CENPU: variants seen among roughly 807,000 people sequenced by gnomAD.
The protein encoded by CENPU is centromere protein U, also known as KSHV latent nuclear antigen interacting protein 1.
A neutral mutation model predicts 56.7 loss-of-function variants in CENPU; 46 were observed. The observed-to-expected ratio is 0.81, with a 90% CI of 0.64 to 1.04. The LOEUF is 1.04. CENPU is among the 50% of genes least tolerant of loss of function. The pLI is 0.00. For missense variants in CENPU, 510 were observed against 490.1 expected, an observed-to-expected ratio of 1.04 and a Z score of -0.38; for synonymous variants, 166 against 163.0, an observed-to-expected ratio of 1.02 and a Z score of -0.14.
At position 184,730,938 on chromosome 4, in the gene CENPU, T is replaced by TAC. The variant is rs775288103; in HGVS notation, c.77_78insGT (p.Thr27Ter). The TAC allele has an allele frequency of 1.1e-5, 18 of 1,582,268 alleles. No individual in the cohort carries two copies. Among genetic ancestry groups the TAC allele is most frequent in the African/African-American group, 2.8e-5 (2 of 72,670 alleles). On this transcript the variant is annotated frameshift_variant, in exon 2 of 13. Coordinates refer to ENST00000281453, the MANE Select transcript of CENPU (RefSeq NM_024629.4). LOFTEE classifies it high-confidence loss of function. ...AACTTACATCTTTCATGGAATGTGT[T>TAC]CTTTCTAAAGTGTTCTTTGAACGTC...
intron 8 of CENPU, 30 bp downstream of exon 8, chr4:184,710,042 G>A: frequency 7.5e-7 from 1 of 1,333,076 alleles, no homozygotes; most frequent in Non-Finnish European, 1.1e-6. Flanking sequence ...AATTTATTAG[G>A]TAAATATAGC....
chr4:184,703,380 A>G (rs1760608896), intron 8 of CENPU, among the ~76,000 whole-genome samples: 1 of 152,102 alleles, frequency 6.6e-6, no homozygotes, highest in Admixed American at 6.6e-5. Flanking sequence ...AGCTGACTCA[A>G]AGAAACTGCC....
chr4:184,704,608 A>C (rs1760661756), intron 8 of CENPU, among the ~76,000 whole-genome samples: 1 of 151,954 alleles, frequency 6.6e-6, no homozygotes. Context: ...ATTCCACCTT[A>C]ATAAGTAAAT....
Position 184,710,128 on chromosome 4 carries a change from G to A in CENPU, c.741C>T (p.Asp247=). 3.1e-6 allele frequency: 5 copies of A among 1,611,796 alleles called. No individual in the cohort carries two copies. Among genetic ancestry groups the A allele is most frequent in the South Asian group, 1.1e-5 (1 of 90,530 alleles). Residue 247 remains aspartate (D), a synonymous_variant, in exon 8 of 13, where the codon GAC becomes GAT. Coordinates refer to ENST00000281453, the MANE Select transcript of CENPU (RefSeq NM_024629.4). ...GCAAAACAATATTCAACTCCTTGAT[G>A]TCACTGGTTTTCATTCCTTCTGGAC... ...IWCPEGMKTS[D]IKELNIVLPE... is the part of the protein sequence containing the mutation.
At chr4:184,731,822 G>A (rs1761655850) in intron 1 of CENPU, among the ~76,000 whole-genome samples, 1 of 151,488 alleles carries the variant, frequency 6.6e-6, no homozygotes, top group Admixed American at 6.6e-5. Context: ...ATAATTTCAA[G>A]CTCACAGAAA....
chr4:184,722,113 G>A (rs1485629677), intron 4 of CENPU, among the ~76,000 whole-genome samples: 1 of 152,078 alleles, frequency 6.6e-6, no homozygotes, highest in Non-Finnish European at 1.5e-5. Context: ...AACACAGAGA[G>A]ATAAAACAAC....
chr4:184,729,123 T>C, intron 2 of CENPU, 88 bp from the exon 3 acceptor site: 2 of 1,029,502 alleles, frequency 1.9e-6, no homozygotes, highest in South Asian at 2.8e-5. Flanking sequence ...TTGTAATCAC[T>C]GCTGCCTAAG....
At chr4:184,703,122 A>G (rs1301804161) in intron 8 of CENPU, among the ~76,000 whole-genome samples, 1 of 152,238 alleles carries the variant, frequency 6.6e-6, no homozygotes, top group Admixed American at 6.5e-5. Context: ...AAGAACAAAC[A>G]TATTATTCCC....
chr4:184,733,790 G>C (rs1442139183), intron 1 of CENPU, among the ~76,000 whole-genome samples: 1 of 152,312 alleles, frequency 6.6e-6, no homozygotes, highest in East Asian at 1.9e-4. Context: ...ACTGGCTGAC[G>C]TCTCTCCCAC....
Position 184,694,294 on chromosome 4 carries a change from G to GTAAT in CENPU, c.*990_*993dup. 2.3e-6 allele frequency: 3 copies of GTAAT among 1,317,936 alleles called. No homozygotes were observed. The highest frequency in any genetic ancestry group is 1.9e-6 in the Non-Finnish European group (2 of 1,031,026). 81.6% of individuals were successfully genotyped at this position (1,317,936 alleles called of 1,614,324 possible). ...GAAAAGTATGTGCACAGAACTGTAG[G>GTAAT]TAATTTCAAATTTGGAGTTTCAAGT... On this transcript the variant is annotated 3_prime_UTR_variant, in exon 13 of 13. Transcript: ENST00000281453.
At chr4:184,722,198 T>C (rs1281918943) in intron 4 of CENPU, among the ~76,000 whole-genome samples, 2 of 151,996 alleles carry the variant, frequency 1.3e-5, no homozygotes, top group Non-Finnish European at 2.9e-5. Flanking sequence ...CAAATGATAA[T>C]GGAAACACAA....
chr4:184,730,875 G>T, intron 2 of CENPU, 45 bp downstream of exon 2: 3 of 1,487,592 alleles, frequency 2.0e-6, no homozygotes, highest in Non-Finnish European at 1.8e-6. Flanking sequence ...ATGTTATTTT[G>T]TACTGTCAAT....
intron 7 of CENPU, among the ~76,000 whole-genome samples, chr4:184,711,956 A>G (rs776630615): frequency 6.6e-6 from 1 of 152,052 alleles, no homozygotes; most frequent in Admixed American, 6.6e-5. Context: ...CCCCGTCTCT[A>G]CTAAAATACA....
intron 11 of CENPU, 45 bp from the exon 12 acceptor site, chr4:184,697,848 C>T (rs749928005): frequency 2.4e-5 from 36 of 1,490,300 alleles, no homozygotes; most frequent in South Asian, 2.0e-4. Flanking sequence ...ACCAGCCTAT[C>T]GTGGTGAAAC....
rs776562405 is a variant in CENPU at position 184,734,082 on chromosome 4, G to A, written c.-20C>T. 2.6e-4 allele frequency: 397 copies of A among 1,544,626 alleles called. No homozygotes were observed. The highest frequency in any genetic ancestry group is 3.3e-4 in the Non-Finnish European group (374 of 1,146,842). On this transcript the variant is annotated 5_prime_UTR_variant, in exon 1 of 13. Coordinates refer to ENST00000281453, the MANE Select transcript of CENPU (RefSeq NM_024629.4). ...GGCCATGGTGCCGCTCTCCGCTCTC[G>A]AGCGACTGGAAGCTCCCGCCAAGCC...
intron 4 of CENPU, among the ~76,000 whole-genome samples, chr4:184,719,231 C>T (rs1025214539): frequency 1.3e-5 from 2 of 152,170 alleles, no homozygotes; most frequent in Non-Finnish European, 2.9e-5. Flanking sequence ...TTTGACTTCC[C>T]ACTGCTGAAA....
chr4:184,733,940 G>A, intron 1 of CENPU, 76 bp downstream of exon 1: 6 of 1,593,084 alleles, frequency 3.8e-6, no homozygotes, highest in East Asian at 4.5e-5. Context: ...GCGCCGGGAG[G>A]CGCAAACCAC....
At chr4:184,699,607 A>G (rs1475539583) in intron 11 of CENPU, 2 of 1,288,660 alleles carry the variant, frequency 1.6e-6, no homozygotes, top group African/African-American at 3.0e-5. Flanking sequence ...CAGAGACTCA[A>G]TTTAGAAACC....
At chr4:184,705,655 A>G (rs1579764725) in intron 8 of CENPU, among the ~76,000 whole-genome samples, 1 of 152,356 alleles carries the variant, frequency 6.6e-6, no homozygotes, top group East Asian at 1.9e-4. Context: ...CTATACATCC[A>G]TGTTCATAGC....
Sources: gnomAD v4.1 joint callset for allele counts (sites outside exome capture counted in the v4.1 genomes callset) on GRCh38, gnomAD v4.1.1 for gene constraint, MANE v1.5 for transcripts, NCBI Gene and HGNC (gene_info 2026-07-23, HGNC 2026-07-21) for gene names.